ATXN1: variants seen among roughly 807,000 people sequenced by gnomAD.
ATXN1 encodes the protein ataxin 1.
Under a neutral mutation model 56.4 loss-of-function variants are expected in ATXN1, and 8 were observed. That is an observed-to-expected ratio of 0.14 (90% CI 0.08 to 0.26). The LOEUF is 0.26. Among genes scored for constraint, ATXN1 ranks in the 10% least tolerant of loss-of-function variants. The pLI, the probability that ATXN1 is intolerant of heterozygous loss-of-function variation, is 1.00. For synonymous variants in ATXN1, 514 were observed against 494.6 expected, an observed-to-expected ratio of 1.04 and a Z score of -0.52; for missense variants, 987 against 1,106.5, an observed-to-expected ratio of 0.89 and a Z score of 1.53.
chr6:16,644,320 T>C (rs1763762229), intron 3 of ATXN1, among the ~76,000 whole-genome samples: 1 of 152,004 alleles, frequency 6.6e-6, no homozygotes, highest in African/African-American at 2.4e-5. Flanking sequence ...ATCGAGACCA[T>C]CCTGGCCAAC....
chr6:16,343,733 T>C (rs1761310389), intron 6 of ATXN1, among the ~76,000 whole-genome samples: 1 of 152,160 alleles, frequency 6.6e-6, no homozygotes, highest in African/African-American at 2.4e-5. Context: ...ACCTTGACGA[T>C]GCGCGGCCAC....
chr6:16,544,535 CTCTGAG>C lies in ATXN1; in HGVS notation c.-360-21853_-360-21848del, dbSNP rs368218734. Reference sequence around the variant, plus strand: ...AGAGGATTTGGGTGTGTATTCAATTCTCTGAGTCTATGACCCTACATCTGGGATGCT... The same window carrying C: ...AGAGGATTTGGGTGTGTATTCAATTCTCTATGACCCTACATCTGGGATGCT... On this transcript the variant is annotated intron_variant, in intron 4 of 7. Transcript: ENST00000436367. Among the ~76,000 whole-genome samples, 642 of 152,322 alleles carry C rather than the reference CTCTGAG, an allele frequency of 4.2e-3. 3 individuals carry two copies. Among genetic ancestry groups the C allele is most frequent in the African/African-American group, 0.015 (627 of 41,568 alleles).
intron 2 of ATXN1, among the ~76,000 whole-genome samples, chr6:16,716,000 T>G (rs1167489003): frequency 6.6e-6 from 1 of 152,184 alleles, no homozygotes; most frequent in Non-Finnish European, 1.5e-5. Context: ...CAATCTCCTT[T>G]GAGACAGAGC....
intron 5 of ATXN1, among the ~76,000 whole-genome samples, chr6:16,491,316 C>T (rs367689296): frequency 1.3e-4 from 16 of 123,886 alleles, no homozygotes; most frequent in African/African-American, 4.0e-4. Flanking sequence ...CAAGGTTTCG[C>T]TCTTGTTGCC....
intron 6 of ATXN1, among the ~76,000 whole-genome samples, chr6:16,334,670 T>G (rs1761076600): frequency 6.6e-6 from 1 of 152,136 alleles, no homozygotes; most frequent in Non-Finnish European, 1.5e-5. Flanking sequence ...TGAGCCATGA[T>G]TGCTCCACTG....
chr6:16,432,378 T>C (rs928653444), intron 6 of ATXN1, among the ~76,000 whole-genome samples: 1 of 152,222 alleles, frequency 6.6e-6, no homozygotes. Context: ...CATAGCTCAT[T>C]TGCATGGTTT....
chr6:16,720,653 T>C (rs546295739), intron 2 of ATXN1, among the ~76,000 whole-genome samples: 10 of 152,342 alleles, frequency 6.6e-5, no homozygotes, highest in Admixed American at 5.2e-4. Flanking sequence ...AATGCTCTTC[T>C]ATTAAAACTC....
chr6:16,433,194 C>A (rs534589645), intron 6 of ATXN1: 1 of 152,228 alleles, frequency 6.6e-6, no homozygotes, highest in Non-Finnish European at 1.5e-5. Flanking sequence ...TATAGCCATG[C>A]TTTATGGAAT....
At chr6:16,719,484 T>C (rs956156572) in intron 2 of ATXN1, among the ~76,000 whole-genome samples, 1 of 152,214 alleles carries the variant, frequency 6.6e-6, no homozygotes, top group Non-Finnish European at 1.5e-5. Context: ...AGAAAAAGCA[T>C]GTCATCTACA....
intron 2 of ATXN1, among the ~76,000 whole-genome samples, chr6:16,696,638 G>A (rs1759171751): frequency 6.6e-6 from 1 of 152,124 alleles, no homozygotes; most frequent in Non-Finnish European, 1.5e-5. Flanking sequence ...AAATATGGAA[G>A]TAAGAACAAA....
intron 4 of ATXN1, among the ~76,000 whole-genome samples, chr6:16,561,556 C>CTA (rs1235438262): frequency 6.6e-6 from 1 of 152,152 alleles, no homozygotes; most frequent in Admixed American, 6.5e-5. Flanking sequence ...TCTCAATATA[C>CTA]TGTCTCATGA....
intron 6 of ATXN1, among the ~76,000 whole-genome samples, chr6:16,459,198 T>C (rs1759941886): frequency 6.6e-6 from 1 of 152,212 alleles, no homozygotes; most frequent in Non-Finnish European, 1.5e-5. Context: ...TATATGAATA[T>C]GGGGAACAAG....
rs949909186 is a variant in ATXN1, at chr6:16,328,486, G to C, written c.-160-16C>G. ...GCTCTGGATGCTGGGAAAGGGAAGAGGGCAGTGACAAAGGGAAAAGGAAAG... is the reference window on the plus strand; with the variant it reads ...GCTCTGGATGCTGGGAAAGGGAAGACGGCAGTGACAAAGGGAAAAGGAAAG... On this transcript the variant is annotated splice_polypyrimidine_tract_variant and intron_variant, in intron 6 of 7. Transcript: ENST00000436367. This position sits in a 1 kb window ranked among gnomAD's most constrained non-coding sequence, Gnocchi z 6.2. 21 of 1,185,536 alleles carry C rather than the reference G, an allele frequency of 1.8e-5. No homozygotes were observed. In the African/African-American group the frequency reaches 2.9e-4, roughly 17 times the overall value. The allele number at this position is 1,185,536 out of a possible 1,614,324, so 73.4% of individuals were successfully genotyped here. A position where few individuals can be genotyped will look rare whatever the true frequency, so the allele number is the denominator to read the frequency against.
chr6:16,498,003 A>G (rs1029772173), intron 5 of ATXN1, among the ~76,000 whole-genome samples: 1 of 152,196 alleles, frequency 6.6e-6, no homozygotes, highest in Non-Finnish European at 1.5e-5. Flanking sequence ...AATTCACATA[A>G]AACAAAATTC....
chr6:16,320,373 GC>G, intron 7 of ATXN1, among the ~76,000 whole-genome samples: 1 of 152,240 alleles, frequency 6.6e-6, no homozygotes, highest in Middle Eastern at 3.4e-3. Context: ...ATATTAAGCA[GC>G]CACCGAGTCA....
intron 6 of ATXN1, among the ~76,000 whole-genome samples, chr6:16,368,522 G>T (rs1424748624): frequency 1.3e-5 from 2 of 148,292 alleles, no homozygotes; most frequent in African/African-American, 5.3e-5. Context: ...TTACACTTCT[G>T]TTTAATCTTC....
rs376871475 is a variant in ATXN1 at position 16,492,445 on chromosome 6, AAAAAG to A, written c.-298-6341_-298-6337del. Among the ~76,000 whole-genome samples, 688 of 152,276 alleles carry A rather than the reference AAAAAG, an allele frequency of 4.5e-3. 6 individuals are homozygous for A. Among genetic ancestry groups the A allele is most frequent in the African/African-American group, 0.016 (665 of 41,550 alleles). ...ATAATAATAATAACATAAAAAATAA[AAAAAG>A]AAAAGATGCACACACAAAAAAAAAT... On this transcript the variant is annotated intron_variant, in intron 5 of 7. Transcript: ENST00000436367.
chr6:16,595,553 T>C (rs1002629793), intron 3 of ATXN1, among the ~76,000 whole-genome samples: 1 of 152,254 alleles, frequency 6.6e-6, no homozygotes, highest in African/African-American at 2.4e-5. Flanking sequence ...CTAATTTACC[T>C]TCTTTAACAC....
At chr6:16,442,569 ACC>A (rs1202630495) in intron 6 of ATXN1, among the ~76,000 whole-genome samples, 1 of 152,210 alleles carries the variant, frequency 6.6e-6, no homozygotes, top group Non-Finnish European at 1.5e-5. Flanking sequence ...AAAGGATATT[ACC>A]TTAAATCAAA....
Sources: gnomAD v4.1 joint callset for allele counts (sites outside exome capture counted in the v4.1 genomes callset) on GRCh38, gnomAD v4.1.1 for gene constraint, Gnocchi (gnomAD v3.1) non-coding constraint, MANE v1.5 for transcripts, NCBI Gene and HGNC (gene_info 2026-07-23, HGNC 2026-07-21) for gene names.